The following ZNF503 variants were observed in gnomAD, a reference collection of about 807,000 sequenced individuals.
ZNF503 encodes the protein zinc finger protein 503.
A neutral mutation model predicts 34.4 loss-of-function variants in ZNF503; 15 were observed. That is an observed-to-expected ratio of 0.44 (90% CI 0.29 to 0.67). The LOEUF (loss-of-function observed/expected upper bound fraction) is 0.67. Ranked by LOEUF, ZNF503 falls within the 30% of genes least tolerant of loss-of-function variation. ZNF503 has a pLI of 0.13. For synonymous variants in ZNF503, 580 were observed against 456.8 expected, an observed-to-expected ratio of 1.27 and a Z score of -3.44; for missense variants, 1,007 against 926.8, an observed-to-expected ratio of 1.09 and a Z score of -1.12.
chr10:75,392,523 AT>A, the ZNF503 span, among the ~76,000 whole-genome samples: 1 of 152,246 alleles, frequency 6.6e-6, no homozygotes, highest in African/African-American at 2.4e-5. Flanking sequence ...AAAGGAAGGC[AT>A]TCCAGGGAAG....
the ZNF503 span, among the ~76,000 whole-genome samples, chr10:75,303,979 G>A: frequency 2.0e-5 from 3 of 151,966 alleles, no homozygotes; most frequent in Non-Finnish European, 2.9e-5. Flanking sequence ...GATTACAGGT[G>A]CATGCCACCA....
At chr10:75,369,072 T>G in the ZNF503 span, among the ~76,000 whole-genome samples, 1 of 152,136 alleles carries the variant, frequency 6.6e-6, no homozygotes, top group Non-Finnish European at 1.5e-5. Context: ...TAGGAAAGGT[T>G]GTTTAAGATA....
At chr10:75,294,198 AAGG>A in the ZNF503 span, among the ~76,000 whole-genome samples, 1 of 152,308 alleles carries the variant, frequency 6.6e-6, no homozygotes, top group South Asian at 2.1e-4. Flanking sequence ...GGTGGAGGAA[AAGG>A]AGGAGATCTT....
chr10:75,375,205 C>G, the ZNF503 span, among the ~76,000 whole-genome samples: 8 of 152,172 alleles, frequency 5.3e-5, no homozygotes, highest in African/African-American at 1.9e-4. Flanking sequence ...ACTGCAACCC[C>G]TGCCTCCCGA....
At chr10:75,294,112 G>A in the ZNF503 span, among the ~76,000 whole-genome samples, 1 of 152,240 alleles carries the variant, frequency 6.6e-6, no homozygotes, top group Non-Finnish European at 1.5e-5. Flanking sequence ...GAGGAGCTAA[G>A]AGGTTACCAG....
chr10:75,324,282 C>T, the ZNF503 span, among the ~76,000 whole-genome samples: 814 of 150,866 alleles, frequency 5.4e-3, 4 homozygotes, highest in Non-Finnish European at 7.4e-3. Flanking sequence ...AGTTTTACAT[C>T]GTACATTTAG....
In ZNF503 at chr10:75,400,936, T is replaced by A. The variant is rs116016408; in HGVS notation, c.315+169A>T. 624 of 998,430 alleles carry A rather than the reference T, an allele frequency of 6.2e-4. 1 individual carries two copies. The African/African-American group carries it at 9.3e-3, about 15-fold the overall frequency. 61.8% of individuals were successfully genotyped at this position (998,430 alleles called of 1,614,324 possible). A position where few individuals can be genotyped will look rare whatever the true frequency, so the allele number is the denominator to read the frequency against. On this transcript the variant is annotated intron_variant, in intron 1 of 1. Transcript: ENST00000372524. ...AGCATGCACGCCCCATTCCACTTCC[T>A]CCCCCTTTTCCGCCCTAGTTTTGAG...
At position 75,397,935 on chromosome 10, in the gene ZNF503, C is replaced by T. The variant is rs966736986; in HGVS notation, c.*814G>A. On this transcript the variant is annotated 3_prime_UTR_variant, in exon 2 of 2. Transcript: ENST00000372524. ...GACGTAAACCTTGTCCCCTTCTCAG[C>T]GGGTGGACTTAAAAATTAAAAATAG... The T allele has an allele frequency of 6.6e-5, 10 of 152,528 alleles. No homozygotes were observed. The highest frequency in any genetic ancestry group is 5.9e-4 in the Admixed American group (9 of 15,272). The allele number at this position is 152,528 out of a possible 1,614,324, so 9.4% of individuals were successfully genotyped here. A position where few individuals can be genotyped will look rare whatever the true frequency, so the allele number is the denominator to read the frequency against.
the ZNF503 span, among the ~76,000 whole-genome samples, chr10:75,351,682 C>T: frequency 6.6e-6 from 1 of 152,176 alleles, no homozygotes; most frequent in African/African-American, 2.4e-5. Context: ...CCAGGAGAGT[C>T]AACTCCTCCA....
the ZNF503 span, among the ~76,000 whole-genome samples, chr10:75,350,123 A>G: frequency 2.6e-5 from 4 of 152,194 alleles, no homozygotes; most frequent in Non-Finnish European, 5.9e-5. Context: ...CAGTTTCAGG[A>G]AGGACACTAG....
the ZNF503 span, among the ~76,000 whole-genome samples, chr10:75,344,020 A>G: frequency 2.6e-5 from 4 of 152,216 alleles, no homozygotes; most frequent in African/African-American, 7.2e-5. Flanking sequence ...GTTCACATTT[A>G]TCATGTCTGG....
downstream of ZNF503, among the ~76,000 whole-genome samples, chr10:75,394,420 T>C (rs533100726): frequency 6.6e-5 from 10 of 152,318 alleles, no homozygotes; most frequent in South Asian, 2.1e-3. Context: ...CCACATTCGG[T>C]GAGGAACCCT....
chr10:75,347,512 C>T, the ZNF503 span, among the ~76,000 whole-genome samples: 2 of 152,178 alleles, frequency 1.3e-5, no homozygotes, highest in Admixed American at 1.3e-4. Flanking sequence ...TGGAAGCAGC[C>T]TGCATCCTCC....
At chr10:75,319,312 T>G in the ZNF503 span, among the ~76,000 whole-genome samples, 1 of 152,196 alleles carries the variant, frequency 6.6e-6, no homozygotes, top group Non-Finnish European at 1.5e-5. Context: ...TCTTAGTGGT[T>G]CTGATGTATA....
chr10:75,282,639 C>T, the ZNF503 span, among the ~76,000 whole-genome samples: 5 of 152,128 alleles, frequency 3.3e-5, no homozygotes, highest in Non-Finnish European at 5.9e-5. Flanking sequence ...CTTCCATTTT[C>T]GGGGATTCCT....
At chr10:75,395,074 T>G (rs1843681548), downstream of ZNF503, among the ~76,000 whole-genome samples, 2 of 152,202 alleles carry the variant, frequency 1.3e-5, no homozygotes, top group African/African-American at 4.8e-5. The surrounding 1 kb of genome is among the most constrained non-coding windows in gnomAD (Gnocchi z 4.4). Flanking sequence ...GTAAATGGGA[T>G]GAGCAGCCCT....
At position 75,398,861 on chromosome 10, in the gene ZNF503, A is replaced by C; in HGVS notation, c.1829T>G (p.Leu610Arg). ...SRYHPYSKSP[L>R]PTPGAPVPVP... ...CGGCACGGGGGCGCCAGGCGTGGGAAGCGGGCTCTTGGAGTAGGGGTGGTA... is the reference window on the plus strand; with the variant it reads ...CGGCACGGGGGCGCCAGGCGTGGGACGCGGGCTCTTGGAGTAGGGGTGGTA... Residue 610 changes from leucine (L) to arginine (R), a missense_variant, in exon 2 of 2, where the codon CTT becomes CGT. Coordinates refer to ENST00000372524, the MANE Select transcript of ZNF503 (RefSeq NM_032772.6). 2 of 1,512,478 alleles carry C rather than the reference A, an allele frequency of 1.3e-6. No individual in the cohort carries two copies. Among genetic ancestry groups the C allele is most frequent in the Non-Finnish European group, 1.8e-6 (2 of 1,135,052 alleles). The allele number at this position is 1,512,478 out of a possible 1,614,324, so 93.7% of individuals were successfully genotyped here.
At position 75,400,116 on chromosome 10, in the gene ZNF503, C is replaced by T. The variant is rs1843768925; in HGVS notation, c.574G>A (p.Gly192Ser). The change falls in exon 2 of 2, where the codon GGT (glycine) becomes AGT (serine). Residue 192 changes from glycine to serine, a missense_variant. Coordinates refer to ENST00000372524, the MANE Select transcript of ZNF503 (RefSeq NM_032772.6). The part of the protein sequence containing the change: ...GSDKKEPGGG[G>S]GGGGGGGGGG... ...CCCCCGCCACCGCCACCGCCTCCAC[C>T]GCCGCCTCCCGGCTCCTTCTTATCC... The T allele has an allele frequency of 6.5e-7, 1 of 1,548,022 alleles. No individual in the cohort carries two copies. The highest frequency in any genetic ancestry group is 8.7e-7 in the Non-Finnish European group (1 of 1,146,516).
the ZNF503 span, among the ~76,000 whole-genome samples, chr10:75,336,377 CA>C: frequency 0.32 from 44,531 of 137,266 alleles, 6,959 homozygotes; most frequent in South Asian, 0.41. Context: ...ACAGAATTGT[CA>C]AAAAAAAAAA....
Sources: gnomAD v4.1 joint callset for allele counts (sites outside exome capture counted in the v4.1 genomes callset) on GRCh38, gnomAD v4.1.1 for gene constraint, Gnocchi (gnomAD v3.1) non-coding constraint, MANE v1.5 for transcripts, NCBI Gene and HGNC (gene_info 2026-07-23, HGNC 2026-07-21) for gene names.